WWOX: variants seen among roughly 807,000 people sequenced by gnomAD.
WWOX encodes WW domain-containing oxidoreductase.
Under a neutral mutation model 46.2 loss-of-function variants are expected in WWOX, and 69 were observed. The ratio of observed to expected loss-of-function variants is 1.49; its 90% CI spans 1.23 to 1.82. WWOX has a LOEUF of 1.82. Among genes scored for constraint, WWOX ranks in the 40% most tolerant of loss-of-function variants. WWOX has a pLI of 0.00. For missense variants in WWOX, 919 were observed against 542.6 expected, an observed-to-expected ratio of 1.69 and a Z score of -6.89; for synonymous variants, 359 against 202.6, an observed-to-expected ratio of 1.77 and a Z score of -6.56.
At chr16:78,419,859 C>G (rs1345538456) in intron 6 of WWOX, among the ~76,000 whole-genome samples, 2 of 151,926 alleles carry the variant, frequency 1.3e-5, no homozygotes, top group African/African-American at 2.4e-5. Context: ...TACAGATGAC[C>G]TACAGAATGG....
chr16:78,758,865 T>A (rs551539796), intron 8 of WWOX, among the ~76,000 whole-genome samples: 3 of 151,914 alleles, frequency 2.0e-5, no homozygotes, highest in Admixed American at 2.0e-4. Context: ...AGATTTTGTG[T>A]TCAAGATTTG....
At chr16:78,359,604 A>T (rs1435383903) in intron 5 of WWOX, among the ~76,000 whole-genome samples, 1 of 152,222 alleles carries the variant, frequency 6.6e-6, no homozygotes, top group African/African-American at 2.4e-5. Flanking sequence ...TTAAAGCAAG[A>T]TTTAAAAAAT....
chr16:78,545,473 C>T (rs370343251), intron 8 of WWOX, among the ~76,000 whole-genome samples: 43 of 152,296 alleles, frequency 2.8e-4, no homozygotes, highest in Middle Eastern at 6.8e-3. Context: ...CTGTCTTAGT[C>T]TCCTGAGTAG....
At chr16:79,046,604 C>T (rs1305403048) in intron 8 of WWOX, among the ~76,000 whole-genome samples, 1 of 152,122 alleles carries the variant, frequency 6.6e-6, no homozygotes, top group African/African-American at 2.4e-5. Context: ...CAGTTCCTCC[C>T]CAGTACACAG....
intron 8 of WWOX, among the ~76,000 whole-genome samples, chr16:78,893,555 C>G (rs1201137708): frequency 1.3e-5 from 2 of 152,216 alleles, no homozygotes; most frequent in East Asian, 1.9e-4. Context: ...CTCTCAGACT[C>G]AGCTCCTTCC....
At chr16:79,132,861 A>C (rs2049908615) in intron 8 of WWOX, among the ~76,000 whole-genome samples, 1 of 152,190 alleles carries the variant, frequency 6.6e-6, no homozygotes, top group Admixed American at 6.5e-5. Flanking sequence ...ATTCTTTATC[A>C]CATAAATATG....
intron 8 of WWOX, among the ~76,000 whole-genome samples, chr16:78,567,273 C>T (rs529745884): frequency 2.6e-4 from 39 of 151,958 alleles, no homozygotes; most frequent in Non-Finnish European, 5.3e-4. Context: ...TGGTTGGGCG[C>T]GGTGGCTCAC....
intron 8 of WWOX, among the ~76,000 whole-genome samples, chr16:78,665,638 A>G (rs1053191048): frequency 1.8e-4 from 27 of 152,094 alleles, no homozygotes; most frequent in African/African-American, 5.6e-4. Flanking sequence ...TGGTAGGACA[A>G]AAGCAAGAAT....
chr16:79,070,195 T>C (rs1239747307), intron 8 of WWOX, among the ~76,000 whole-genome samples: 1 of 152,034 alleles, frequency 6.6e-6, no homozygotes, highest in East Asian at 1.9e-4. Flanking sequence ...TTTATAAAAC[T>C]TGTAAATGTT....
At chr16:78,447,926 C>G (rs571633934) in intron 8 of WWOX, among the ~76,000 whole-genome samples, 1 of 152,166 alleles carries the variant, frequency 6.6e-6, no homozygotes, top group Non-Finnish European at 1.5e-5. Context: ...GCCTCAGCCT[C>G]CCAAGTAGCT....
chr16:78,479,499 G>A (rs887809355), intron 8 of WWOX, among the ~76,000 whole-genome samples: 2 of 152,190 alleles, frequency 1.3e-5, no homozygotes, highest in Non-Finnish European at 2.9e-5. Context: ...GTAGTACTGT[G>A]AAGATTATGG....
intron 8 of WWOX, among the ~76,000 whole-genome samples, chr16:79,040,628 C>T (rs748027298): frequency 6.6e-6 from 1 of 152,230 alleles, no homozygotes; most frequent in Non-Finnish European, 1.5e-5. Flanking sequence ...AAAATCATGA[C>T]TGTAAAACAG....
chr16:78,916,854 T>G (rs1386222826), intron 8 of WWOX, among the ~76,000 whole-genome samples: 1 of 152,196 alleles, frequency 6.6e-6, no homozygotes, highest in African/African-American at 2.4e-5. Flanking sequence ...CGATAGCAAG[T>G]AGAAGAAATG....
intron 5 of WWOX, among the ~76,000 whole-genome samples, chr16:78,243,410 A>C (rs942582003): frequency 2.0e-5 from 3 of 152,080 alleles, no homozygotes; most frequent in South Asian, 4.1e-4. Context: ...GGGCTGTTAA[A>C]TAGGTAAATG....
intron 5 of WWOX, among the ~76,000 whole-genome samples, chr16:78,183,534 A>G (rs1390827346): frequency 6.6e-6 from 1 of 152,180 alleles, no homozygotes; most frequent in African/African-American, 2.4e-5. Flanking sequence ...GTTCCTGCAT[A>G]TGCCTCTCTA....
At position 78,777,190 on chromosome 16, in the gene WWOX, A is replaced by G. The variant is rs565273214; in HGVS notation, c.1056+344438A>G. 3.3e-5 allele frequency among the ~76,000 whole-genome samples: 5 copies of G among 152,030 alleles called. No homozygotes were observed. The South Asian group carries it at 1.0e-3, about 32-fold the overall frequency. On this transcript the variant is annotated intron_variant, in intron 8 of 8. Coordinates refer to ENST00000566780, the MANE Select transcript of WWOX (RefSeq NM_016373.4). Reference sequence around the variant, plus strand: ...TCAATGGCTGTATTTCAATGGCTGTATTTCAGAGGCTGTATTTTTTTTCCC... The same window carrying G: ...TCAATGGCTGTATTTCAATGGCTGTGTTTCAGAGGCTGTATTTTTTTTCCC...
chr16:78,270,728 C>G (rs2079460978), intron 5 of WWOX: 1 of 152,100 alleles, frequency 6.6e-6, no homozygotes, highest in South Asian at 2.1e-4. Flanking sequence ...ATCACCTGAT[C>G]AATAACTGAG....
At chr16:78,701,909 G>C (rs1200960778) in intron 8 of WWOX, among the ~76,000 whole-genome samples, 1 of 150,390 alleles carries the variant, frequency 6.6e-6, no homozygotes, top group Non-Finnish European at 1.5e-5. Flanking sequence ...AGGAAGCCTG[G>C]TGAAGTGACT....
intron 8 of WWOX, among the ~76,000 whole-genome samples, chr16:78,755,025 A>G (rs945134897): frequency 6.1e-5 from 9 of 148,646 alleles, no homozygotes; most frequent in Admixed American, 1.4e-4. Flanking sequence ...GGAGGGGGGA[A>G]CATCACACAC....
Sources: gnomAD v4.1 joint callset for allele counts (sites outside exome capture counted in the v4.1 genomes callset) on GRCh38, gnomAD v4.1.1 for gene constraint, MANE v1.5 for transcripts, NCBI Gene and HGNC (gene_info 2026-07-23, HGNC 2026-07-21) for gene names.